Variants in DLL3 observed in about 807,000 individuals in gnomAD.
DLL3 encodes the protein delta-like protein 3.
Under a neutral mutation model 55.0 loss-of-function variants are expected in DLL3, and 49 were observed. The ratio of observed to expected loss-of-function variants is 0.89; its 90% confidence interval spans 0.71 to 1.13. The LOEUF (loss-of-function observed/expected upper bound fraction) is 1.13, where lower values mean the gene tolerates loss of function less well. Ranked by LOEUF, DLL3 falls within the 50% of genes most tolerant of loss-of-function variation. The pLI, the probability that DLL3 is intolerant of heterozygous loss-of-function variation, is 0.00. For synonymous variants in DLL3, 421 were observed against 385.2 expected, an observed-to-expected ratio of 1.09 and a Z score of -1.09; for missense variants, 962 against 875.5, an observed-to-expected ratio of 1.10 and a Z score of -1.25.
rs1320073491 is a variant in DLL3, at chr19:39,502,921, C to T, written c.516C>T (p.Phe172=). ...GCGCAGGCGCCTGGGAGCTGCGCTTCTCGTACCGCGCGCGCTGCGAGCCGC... is the reference window on the plus strand; with the variant it reads ...GCGCAGGCGCCTGGGAGCTGCGCTTTTCGTACCGCGCGCGCTGCGAGCCGC... ...IQRAGAWELR[F]SYRARCEPPA... The change falls in exon 4 of 9, where the codon TTC becomes TTT. Residue 172 remains phenylalanine, a synonymous_variant. Transcript: ENST00000356433. 4 of 1,442,012 alleles carry T rather than the reference C, an allele frequency of 2.8e-6. No individual in the cohort carries two copies. The highest frequency in any genetic ancestry group is 3.6e-6 in the Non-Finnish European group (4 of 1,103,554). The allele number at this position is 1,442,012 out of a possible 1,614,324, so 89.3% of individuals were successfully genotyped here.
chr19:39,506,618 C>T (rs2079642719), intron 6 of DLL3, among the ~76,000 whole-genome samples: 1 of 151,796 alleles, frequency 6.6e-6, no homozygotes, highest in South Asian at 2.1e-4. Flanking sequence ...GGGCAGTGAT[C>T]AGGGCTGGGA....
At chr19:39,504,606 G>A (rs2079630043) in intron 5 of DLL3, among the ~76,000 whole-genome samples, 1 of 152,170 alleles carries the variant, frequency 6.6e-6, no homozygotes, top group African/African-American at 2.4e-5. Context: ...GGGTGGTGGG[G>A]CCAAATAGGT....
chr19:39,502,788 G>A, intron 3 of DLL3, 27 bp from the exon 4 acceptor site: 1 of 1,394,990 alleles, frequency 7.2e-7, no homozygotes, highest in South Asian at 1.7e-5. Flanking sequence ...GCCCACCCCA[G>A]CACCCCTCCT....
At chr19:39,502,516 C>T (rs529108356) in intron 3 of DLL3, among the ~76,000 whole-genome samples, 53 of 152,260 alleles carry the variant, frequency 3.5e-4, no homozygotes, top group African/African-American at 1.2e-3. Flanking sequence ...CCACCCGTCT[C>T]GGCCTCCCAA....
chr19:39,503,199 A>G (rs1260143075), intron 4 of DLL3, 142 bp downstream of exon 4: 4 of 905,194 alleles, frequency 4.4e-6, no homozygotes, highest in Non-Finnish European at 6.1e-6. Context: ...TACCCCAGGC[A>G]CCCCTCTTCA....
chr19:39,504,188 G>C lies in DLL3; in HGVS notation c.770G>C (p.Cys257Ser). ...ACGGTCCCTGTCTCCACCAGCAGCT[G>C]CCTCAGCCCCAGGGGCCCGTCCTCT... ...LCTVPVSTSS[C>S]LSPRGPSSAT... Residue 257 changes from cysteine (C) to serine (S), a missense_variant, in exon 5 of 9, where the codon TGC (cysteine) becomes TCC (serine). Transcript: ENST00000356433. 1.2e-6 allele frequency: 2 copies of C among 1,612,464 alleles called. No homozygotes were observed. The highest frequency in any genetic ancestry group is 2.2e-5 in the South Asian group (2 of 91,090).
rs766185433 is a variant in DLL3, at chr19:39,499,311, C to T, written c.189C>T (p.Cys63=). 5 of 1,544,962 alleles carry T rather than the reference C, an allele frequency of 3.2e-6. No homozygotes were observed. The highest frequency in any genetic ancestry group is 3.5e-6 in the Non-Finnish European group (4 of 1,149,654). ...RLPCRLFFRV[C]LKPGLSEEAA... is the part of the protein sequence containing the mutation. ...CCTGCCGCCTCTTCTTCAGAGTCTG[C>T]CTGAAGCCTGGGCTCTCAGAGGAGG... Residue 63 remains cysteine, a synonymous_variant, in exon 2 of 9, where the codon TGC becomes TGT. Transcript: ENST00000356433.
intron 3 of DLL3, among the ~76,000 whole-genome samples, chr19:39,501,592 G>T (rs1192561317): frequency 6.6e-6 from 1 of 152,182 alleles, no homozygotes; most frequent in East Asian, 1.9e-4. Flanking sequence ...AAAACGTTGG[G>T]ATTATAGGAG....
rs1287150069 is a variant in DLL3 at position 39,500,645 on chromosome 19, A to G, written c.382A>G (p.Arg128Gly). ...CTTCTCTTTCATCATCGAAACCTGG[A>G]GAGAGGAGTTAGGAGACCAGATTGG... ...GTFSFIIETW[R>G]EELGDQIGGP... Residue 128 changes from arginine (R) to glycine (G), a missense_variant, in exon 3 of 9, where the codon AGA becomes GGA. Arg to Gly is a moderately radical substitution (Grantham distance 125). Transcript: ENST00000356433. 6.2e-7 allele frequency: 1 copy of G among 1,613,432 alleles called. No individual in the cohort carries two copies. Among genetic ancestry groups the G allele is most frequent in the African/African-American group, 1.3e-5 (1 of 74,848 alleles).
chr19:39,505,554 C>A (rs181454550), intron 6 of DLL3, 103 bp downstream of exon 6: 3 of 1,295,722 alleles, frequency 2.3e-6, no homozygotes, highest in East Asian at 2.4e-5. Context: ...AACCCTAGGG[C>A]CTGGGGACCT....
At chr19:39,505,516 G>T in intron 6 of DLL3, 65 bp downstream of exon 6, 1 of 1,581,484 alleles carries the variant, frequency 6.3e-7, no homozygotes, top group Non-Finnish European at 8.6e-7. Context: ...AGACAGTCCA[G>T]GGTTGGAATC....
intron 6 of DLL3, 44 bp downstream of exon 6, chr19:39,505,495 C>T (rs1226866535): frequency 5.0e-6 from 8 of 1,606,522 alleles, no homozygotes; most frequent in Non-Finnish European, 6.0e-6. Context: ...GGTGGGGGTC[C>T]TGGATGGCTC....
intron 2 of DLL3, 129 bp downstream of exon 2, chr19:39,499,602 C>G: frequency 1.6e-6 from 2 of 1,216,736 alleles, no homozygotes; most frequent in Non-Finnish European, 2.3e-6. Flanking sequence ...AATTCCCAGA[C>G]CAGTAACTCT....
At position 39,499,125 on chromosome 19, in the gene DLL3, G is replaced by A. The variant is rs1016792564; in HGVS notation, c.70-67G>A. On this transcript the variant is annotated intron_variant, in intron 1 of 8. Coordinates refer to ENST00000356433, the MANE Select transcript of DLL3 (RefSeq NM_203486.3). Reference sequence around the variant, plus strand: ...GTGCGACCTGAAGGTCCTGGGGAAGGAGCGTGGGGCGGACGGGAAGCCTGG... The same window carrying A: ...GTGCGACCTGAAGGTCCTGGGGAAGAAGCGTGGGGCGGACGGGAAGCCTGG... The A allele has an allele frequency of 2.4e-4, 385 of 1,611,468 alleles. 2 individuals are homozygous for A. Among genetic ancestry groups the A allele is most frequent in the Non-Finnish European group, 3.2e-4 (374 of 1,179,774 alleles).
intron 5 of DLL3, 97 bp from the exon 6 acceptor site, chr19:39,505,131 AC>A: frequency 7.8e-7 from 1 of 1,281,622 alleles, no homozygotes; most frequent in Non-Finnish European, 1.1e-6. Flanking sequence ...GGGACTTGAG[AC>A]TGGACAAGGA....
At chr19:39,505,173 G>GGA in intron 5 of DLL3, 56 bp from the exon 6 acceptor site, 1 of 1,574,376 alleles carries the variant, frequency 6.4e-7, no homozygotes, top group Non-Finnish European at 8.7e-7. Context: ...CTGAGGAGGG[G>GGA]GATGGGATTT....
At position 39,505,440 on chromosome 19, in the gene DLL3, C is replaced by T. The variant is rs1386769376; in HGVS notation, c.1082C>T (p.Pro361Leu). 1 of 1,613,950 alleles carries T rather than the reference C, an allele frequency of 6.2e-7. No individual in the cohort carries two copies. The highest frequency in any genetic ancestry group is 8.5e-7 in the Non-Finnish European group (1 of 1,180,004). The change falls in exon 6 of 9, where the codon CCA (proline) becomes CTA (leucine). Residue 361 changes from proline to leucine, a missense_variant. By Grantham distance (98) the Pro-to-Leu change is moderately conservative. Transcript: ENST00000356433. ...EKRVDRCSLQ[P>L]CRNGGLCLDL... Reference sequence around the variant, plus strand: ...AGGGTGGACCGGTGCAGCCTGCAGCCATGCCGCAATGGTGAGGCCTGGAGG... The same window carrying T: ...AGGGTGGACCGGTGCAGCCTGCAGCTATGCCGCAATGGTGAGGCCTGGAGG...
chr19:39,505,527 C>A, intron 6 of DLL3, 76 bp downstream of exon 6: 1 of 1,534,836 alleles, frequency 6.5e-7, no homozygotes. Context: ...GGTTGGAATC[C>A]TGGCTTTGAC....
intron 4 of DLL3, 119 bp from the exon 5 acceptor site, chr19:39,503,950 TCA>T (rs1221560991): frequency 1.1e-6 from 1 of 941,186 alleles, no homozygotes; most frequent in Non-Finnish European, 1.7e-6. Flanking sequence ...TGATTATCTG[TCA>T]CAAAGATGAA....
Sources: gnomAD v4.1 joint callset for allele counts (sites outside exome capture counted in the v4.1 genomes callset) on GRCh38, gnomAD v4.1.1 for gene constraint, MANE v1.5 for transcripts, NCBI Gene and HGNC (gene_info 2026-07-23, HGNC 2026-07-21) for gene names.